The following CNRIP1 variants were observed in gnomAD, a reference collection of about 807,000 sequenced individuals.
CNRIP1 encodes the protein cannabinoid receptor interacting protein 1, also known as CB1 cannabinoid receptor-interacting protein 1.
A neutral mutation model predicts 15.2 loss-of-function variants in CNRIP1; 10 were observed. The observed-to-expected ratio is 0.66, with a 90% CI of 0.41 to 1.12. The LOEUF is 1.12. Ranked by LOEUF, CNRIP1 falls within the 50% of genes most tolerant of loss-of-function variation. The probability of loss-of-function intolerance (pLI) is 0.00; values close to 1 mark genes in which losing one functional copy is unlikely to be tolerated. For missense variants in CNRIP1, 211 were observed against 214.7 expected, an observed-to-expected ratio of 0.98 and a Z score of 0.11; for synonymous variants, 91 against 83.2, an observed-to-expected ratio of 1.09 and a Z score of -0.51.
downstream of CNRIP1, among the ~76,000 whole-genome samples, chr2:68,290,728 G>A (rs1470184088): frequency 3.9e-5 from 6 of 152,198 alleles, no homozygotes. Flanking sequence ...TTAGTGAATG[G>A]ACTTGGTGAC....
At chr2:68,309,051 C>T (rs1374404037) in intron 2 of CNRIP1, among the ~76,000 whole-genome samples, 1 of 152,114 alleles carries the variant, frequency 6.6e-6, no homozygotes, top group Non-Finnish European at 1.5e-5. Context: ...AAAATGAAAA[C>T]ACTCCACATG....
In CNRIP1 at chr2:68,293,840, G is replaced by T; in HGVS notation, c.*22C>A. On this transcript the variant is annotated 3_prime_UTR_variant, in exon 3 of 3. Coordinates refer to ENST00000263655, the MANE Select transcript of CNRIP1 (RefSeq NM_015463.3). ...AGTAGATTTCTGAAAAGATTGTCCAGTAGCATCAGAAAGAGCCACTTTCAG... is the reference window on the plus strand; with the variant it reads ...AGTAGATTTCTGAAAAGATTGTCCATTAGCATCAGAAAGAGCCACTTTCAG... 6.2e-7 allele frequency: 1 copy of T among 1,610,710 alleles called. No individual in the cohort carries two copies. The highest frequency in any genetic ancestry group is 8.5e-7 in the Non-Finnish European group (1 of 1,177,346).
chr2:68,314,700 T>C (rs1672207535), intron 2 of CNRIP1, among the ~76,000 whole-genome samples: 1 of 152,084 alleles, frequency 6.6e-6, no homozygotes, highest in African/African-American at 2.4e-5. Context: ...AGTATTGGTG[T>C]AACAATAGAT....
intron 2 of CNRIP1, among the ~76,000 whole-genome samples, chr2:68,308,053 C>T (rs1445994534): frequency 6.6e-6 from 1 of 151,844 alleles, no homozygotes; most frequent in South Asian, 2.1e-4. Flanking sequence ...ATTGGCTTGG[C>T]GTGGTGGCAT....
chr2:68,311,657 C>T (rs566530541), intron 2 of CNRIP1, among the ~76,000 whole-genome samples: 1 of 151,668 alleles, frequency 6.6e-6, no homozygotes, highest in South Asian at 2.1e-4. Flanking sequence ...CACCTGTAAT[C>T]CCAGCTACTT....
At chr2:68,309,481 G>A (rs867618036) in intron 2 of CNRIP1, among the ~76,000 whole-genome samples, 1 of 152,154 alleles carries the variant, frequency 6.6e-6, no homozygotes, top group Non-Finnish European at 1.5e-5. Context: ...CTATAAAAAA[G>A]TTCCTAATTC....
Position 68,317,157 on chromosome 2 carries a change from C to A in CNRIP1, c.330G>T (p.Pro110=). ...TCCTATACCCGCAAGCAAGCCTTAC[C>A]GGCATGGTGATCTGGATGGGTTGCC... ...GERQPIQITM[P]FTDIGTFETV... The change falls in exon 2 of 3, where the codon CCG becomes CCT. Residue 110 remains proline (P), a splice_region_variant and synonymous_variant. Coordinates refer to ENST00000263655, the MANE Select transcript of CNRIP1 (RefSeq NM_015463.3). 1.2e-6 allele frequency: 2 copies of A among 1,614,148 alleles called. No individual in the cohort carries two copies. The highest frequency in any genetic ancestry group is 1.7e-6 in the Non-Finnish European group (2 of 1,180,022).
At chr2:68,287,530 T>C (rs1477548161) in intron 2 of CNRIP1, among the ~76,000 whole-genome samples, 1 of 152,252 alleles carries the variant, frequency 6.6e-6, no homozygotes, top group Non-Finnish European at 1.5e-5. Flanking sequence ...TTCTCACTTA[T>C]GCTATGGGTC....
rs746639173 is a variant in CNRIP1 at position 68,304,795 on chromosome 2, TAATA to T, written c.331-10773_331-10770del. Among the ~76,000 whole-genome samples the T allele has an allele frequency of 1.8e-4, 28 of 152,278 alleles. 1 individual carries two copies. In the Middle Eastern group the frequency reaches 0.01, roughly 55 times the overall value. On this transcript the variant is annotated intron_variant, in intron 2 of 2. Transcript: ENST00000263655. ...TTGTATCTTATTTCTAATAGGCTGATAATAAAGAAAATGATTGAAAATATAGGTT... is the reference window on the plus strand; with the variant it reads ...TTGTATCTTATTTCTAATAGGCTGATAAGAAAATGATTGAAAATATAGGTT...
intron 2 of CNRIP1, among the ~76,000 whole-genome samples, chr2:68,308,544 A>G (rs1275117416): frequency 6.6e-6 from 1 of 152,162 alleles, no homozygotes; most frequent in East Asian, 1.9e-4. Context: ...TTTAGATTTT[A>G]TAATTTAACT....
chr2:68,294,052 A>G, intron 2 of CNRIP1, 26 bp from the exon 3 acceptor site: 1 of 1,609,200 alleles, frequency 6.2e-7, no homozygotes, highest in Non-Finnish European at 8.5e-7. Flanking sequence ...CATGCCTGAT[A>G]AAAAACCTCA....
chr2:68,302,317 G>A (rs1671640326), intron 2 of CNRIP1, among the ~76,000 whole-genome samples: 1 of 152,070 alleles, frequency 6.6e-6, no homozygotes, highest in Non-Finnish European at 1.5e-5. Context: ...CACATACTCA[G>A]CCTCATTACC....
At chr2:68,309,407 A>C (rs900590238) in intron 2 of CNRIP1, among the ~76,000 whole-genome samples, 1 of 152,292 alleles carries the variant, frequency 6.6e-6, no homozygotes, top group South Asian at 2.1e-4. Flanking sequence ...TTTATGGGAA[A>C]TTTCTGTCAG....
At chr2:68,305,332 AT>A (rs886090807) in intron 2 of CNRIP1, among the ~76,000 whole-genome samples, 3 of 148,170 alleles carry the variant, frequency 2.0e-5, no homozygotes, top group African/African-American at 7.4e-5. Context: ...AACATATATA[AT>A]ATATATTTAA....
intron 2 of CNRIP1, among the ~76,000 whole-genome samples, chr2:68,295,130 A>G (rs569890617): frequency 2.0e-5 from 3 of 152,280 alleles, no homozygotes; most frequent in African/African-American, 7.2e-5. Flanking sequence ...GGGGACAGGG[A>G]CTGACTTGGC....
At chr2:68,318,220 C>T (rs1436227743) in intron 1 of CNRIP1, among the ~76,000 whole-genome samples, 4 of 152,008 alleles carry the variant, frequency 2.6e-5, no homozygotes, top group African/African-American at 7.3e-5. Flanking sequence ...GGTCCTTGCA[C>T]CTTGGAAGGC....
chr2:68,306,406 C>T (rs566547120), intron 2 of CNRIP1, among the ~76,000 whole-genome samples: 3 of 151,976 alleles, frequency 2.0e-5, no homozygotes, highest in East Asian at 1.9e-4. Flanking sequence ...TATCTGAACT[C>T]GTCAGGCCTG....
At chr2:68,295,659 A>G (rs1214227276) in intron 2 of CNRIP1, among the ~76,000 whole-genome samples, 1 of 152,230 alleles carries the variant, frequency 6.6e-6, no homozygotes, top group Non-Finnish European at 1.5e-5. Context: ...TACATGCTGT[A>G]TGAATCCATC....
intron 2 of CNRIP1, among the ~76,000 whole-genome samples, chr2:68,307,867 T>C (rs899491940): frequency 2.0e-5 from 3 of 152,124 alleles, no homozygotes; most frequent in African/African-American, 7.2e-5. Context: ...AATCTTACAA[T>C]GTTAACAGCA....
Sources: gnomAD v4.1 joint callset for allele counts (sites outside exome capture counted in the v4.1 genomes callset) on GRCh38, gnomAD v4.1.1 for gene constraint, MANE v1.5 for transcripts, NCBI Gene and HGNC (gene_info 2026-07-23, HGNC 2026-07-21) for gene names.